KIF18A: variants seen among roughly 807,000 people sequenced by gnomAD.
The protein encoded by KIF18A is kinesin family member 18A, also known as kinesin-like protein KIF18A.
KIF18A carries 67 observed loss-of-function variants against 103.3 expected under a neutral mutation model. The ratio of observed to expected loss-of-function variants is 0.65; its 90% CI spans 0.53 to 0.79. The LOEUF is 0.79. Among genes scored for constraint, KIF18A ranks in the 30% least tolerant of loss-of-function variants. The pLI, the probability that KIF18A is intolerant of heterozygous loss-of-function variation, is 0.00. For missense variants in KIF18A, 1,032 were observed against 1,062.5 expected, an observed-to-expected ratio of 0.97 and a Z score of 0.40; for synonymous variants, 367 against 355.5, an observed-to-expected ratio of 1.03 and a Z score of -0.36.
chr11:28,094,865 C>CCACTAGA, intron 2 of KIF18A, 65 bp from the exon 3 acceptor site: 2 of 1,396,068 alleles, frequency 1.4e-6, no homozygotes, highest in Non-Finnish European at 2.0e-6. Context: ...TATCTACTAT[C>CCACTAGA]TAGTGGATAG....
chr11:28,029,224 A>C (rs1850362818), intron 15 of KIF18A, among the ~76,000 whole-genome samples: 2 of 152,032 alleles, frequency 1.3e-5, no homozygotes, highest in South Asian at 4.1e-4. Context: ...GAGACACAAC[A>C]AAAAAAGAGA....
chr11:28,087,741 C>T (rs1394864074), intron 6 of KIF18A, among the ~76,000 whole-genome samples: 1 of 152,130 alleles, frequency 6.6e-6, no homozygotes, highest in African/African-American at 2.4e-5. Flanking sequence ...ACATCCTCTC[C>T]AGCATCTGTT....
At position 28,106,866 on chromosome 11, in the gene KIF18A, G is replaced by T. The variant is rs578242416; in HGVS notation, c.-47+1198C>A. Among the ~76,000 whole-genome samples, 693 of 152,220 alleles carry T rather than the reference G, an allele frequency of 4.6e-3. 20 individuals are homozygous for T. The highest frequency in any genetic ancestry group is 1.8e-3 in the Non-Finnish European group (122 of 68,026). ...AACGCCTGTAATCCCAGCTACTCGG[G>T]AGGCTGAGGCACGAGAATTGCTTGA... On this transcript the variant is annotated intron_variant, in intron 1 of 16. Coordinates refer to ENST00000263181, the MANE Select transcript of KIF18A (RefSeq NM_031217.4).
chr11:28,074,393 T>C (rs539031059), intron 10 of KIF18A, among the ~76,000 whole-genome samples: 4 of 152,250 alleles, frequency 2.6e-5, no homozygotes, highest in East Asian at 1.9e-4. Context: ...AGTACAAATA[T>C]AGCAGCAAGA....
chr11:28,056,278 C>A (rs1590682375), intron 13 of KIF18A, among the ~76,000 whole-genome samples: 1 of 147,172 alleles, frequency 6.8e-6, no homozygotes, highest in Non-Finnish European at 1.5e-5. Context: ...AGATATGAAA[C>A]TATAAAAAAG....
intron 2 of KIF18A, among the ~76,000 whole-genome samples, chr11:28,096,644 A>G (rs1435131844): frequency 6.6e-6 from 1 of 152,238 alleles, no homozygotes; most frequent in Non-Finnish European, 1.5e-5. Flanking sequence ...GAATCACAGT[A>G]GTACCAATCA....
At chr11:28,053,287 G>T (rs1049938943) in intron 13 of KIF18A, among the ~76,000 whole-genome samples, 5 of 151,564 alleles carry the variant, frequency 3.3e-5, no homozygotes, top group Admixed American at 6.6e-5. Flanking sequence ...ACTTTTTTTT[G>T]TTTTGTTTTT....
At chr11:28,069,605 A>C (rs1460217938) in intron 10 of KIF18A, among the ~76,000 whole-genome samples, 182 bp from the exon 11 acceptor site, 4 of 152,128 alleles carry the variant, frequency 2.6e-5, no homozygotes, top group African/African-American at 9.7e-5. Context: ...AGAAAATAGG[A>C]AATTGAGCTG....
At chr11:28,046,897 C>CA (rs1473524955) in intron 13 of KIF18A, among the ~76,000 whole-genome samples, 2 of 149,374 alleles carry the variant, frequency 1.3e-5, no homozygotes, top group Non-Finnish European at 3.0e-5. Context: ...ACTAAAAATA[C>CA]AAAAAAATTA....
At chr11:28,022,287 C>T (rs577350434) in intron 16 of KIF18A, among the ~76,000 whole-genome samples, 40 of 147,224 alleles carry the variant, frequency 2.7e-4, no homozygotes, top group Non-Finnish European at 3.4e-4. Flanking sequence ...TTTTTTGAGA[C>T]GGAGTTTTGC....
At chr11:28,083,683 C>A (rs1211536627) in intron 7 of KIF18A, among the ~76,000 whole-genome samples, 1 of 151,994 alleles carries the variant, frequency 6.6e-6, no homozygotes, top group Non-Finnish European at 1.5e-5. Flanking sequence ...ATATTGAGAC[C>A]TTGCCTACTT....
intron 13 of KIF18A, among the ~76,000 whole-genome samples, chr11:28,057,220 T>C (rs1850792524): frequency 6.6e-6 from 1 of 151,988 alleles, no homozygotes. Flanking sequence ...GTTACACATT[T>C]TAAAAGACTA....
intron 2 of KIF18A, chr11:28,097,237 A>G (rs530614151): frequency 6.0e-6 from 1 of 166,318 alleles, no homozygotes; most frequent in East Asian, 1.8e-4. Context: ...GAAACTGTCA[A>G]ATGTTCAGAA....
At chr11:28,044,756 A>G (rs1450286003) in intron 13 of KIF18A, among the ~76,000 whole-genome samples, 1 of 150,582 alleles carries the variant, frequency 6.6e-6, no homozygotes, top group Non-Finnish European at 1.5e-5. Flanking sequence ...CACTGAAATC[A>G]TGGATTAGAT....
chr11:28,054,457 G>C (rs1212486208), intron 13 of KIF18A, among the ~76,000 whole-genome samples: 1 of 152,136 alleles, frequency 6.6e-6, no homozygotes, highest in East Asian at 1.9e-4. Flanking sequence ...CGATCGGCCT[G>C]CGTCAGTCTC....
chr11:28,036,868 C>T (rs932395238), intron 13 of KIF18A, among the ~76,000 whole-genome samples: 2 of 151,280 alleles, frequency 1.3e-5, no homozygotes, highest in Non-Finnish European at 3.0e-5. Flanking sequence ...TAAAGAAATT[C>T]TATAACAAAA....
At chr11:28,101,702 T>G (rs972140710) in intron 1 of KIF18A, among the ~76,000 whole-genome samples, 5 of 152,162 alleles carry the variant, frequency 3.3e-5, no homozygotes, top group African/African-American at 1.2e-4. Context: ...GGGAAACAGA[T>G]ATTAATAAAA....
chr11:28,104,615 TTTC>T (rs35104919), intron 1 of KIF18A, among the ~76,000 whole-genome samples: 16,994 of 152,204 alleles, frequency 0.11, 1,301 homozygotes, highest in Non-Finnish European at 0.17. Flanking sequence ...TTTATTTTTC[TTTC>T]TTGAGTTTAG....
At chr11:28,041,668 A>G (rs1286774083) in intron 13 of KIF18A, among the ~76,000 whole-genome samples, 4 of 151,842 alleles carry the variant, frequency 2.6e-5, no homozygotes, top group Non-Finnish European at 4.4e-5. Context: ...CTGTGTCAAG[A>G]ATGGTCAAGA....
Sources: gnomAD v4.1 joint callset for allele counts (sites outside exome capture counted in the v4.1 genomes callset) on GRCh38, gnomAD v4.1.1 for gene constraint, MANE v1.5 for transcripts, NCBI Gene and HGNC (gene_info 2026-07-23, HGNC 2026-07-21) for gene names.